Variants in IGF1 observed in about 807,000 individuals in gnomAD.
IGF1 encodes insulin-like growth factor 1.
In IGF1, 4 loss-of-function variants were observed where a neutral mutation model predicts 13.8. The ratio of observed to expected loss-of-function variants is 0.29; its 90% CI spans 0.14 to 0.66. IGF1 has a LOEUF of 0.66. IGF1 is among the 30% of genes least tolerant of loss of function. The pLI is 0.78. For synonymous variants in IGF1, 76 were observed against 72.6 expected, an observed-to-expected ratio of 1.05 and a Z score of -0.23; for missense variants, 124 against 188.5, an observed-to-expected ratio of 0.66 and a Z score of 2.00.
At chr12:102,447,012 A>G (rs1226521161) in intron 2 of IGF1, among the ~76,000 whole-genome samples, 1 of 152,090 alleles carries the variant, frequency 6.6e-6, no homozygotes, top group African/African-American at 2.4e-5. Flanking sequence ...CAGGTTGTTC[A>G]GTTTCCATGT....
At chr12:102,436,198 C>G (rs1877208036) in intron 2 of IGF1, among the ~76,000 whole-genome samples, 2 of 152,134 alleles carry the variant, frequency 1.3e-5, no homozygotes. Flanking sequence ...TTTCCCTTCC[C>G]TGAGTTTTTT....
chr12:102,459,875 G>T (rs1461312705), intron 2 of IGF1, among the ~76,000 whole-genome samples: 2 of 152,140 alleles, frequency 1.3e-5, no homozygotes, highest in African/African-American at 4.8e-5. Context: ...CAGTTAGTCT[G>T]GTAACTATGT....
At chr12:102,402,655 T>G (rs1358483530) in intron 3 of IGF1, 89 bp from the exon 4 acceptor site, 1 of 768,960 alleles carries the variant, frequency 1.3e-6, no homozygotes, top group Non-Finnish European at 2.4e-6. Flanking sequence ...CTTCCATGTC[T>G]TACGCCTTAC....
At chr12:102,406,862 G>A (rs1222560136) in intron 3 of IGF1, among the ~76,000 whole-genome samples, 1 of 152,016 alleles carries the variant, frequency 6.6e-6, no homozygotes, top group Non-Finnish European at 1.5e-5. Flanking sequence ...GGAGGCCGAG[G>A]TGGGCAGATC....
rs1873616126 is a variant in IGF1, at chr12:102,400,739, G to C, written c.*1768C>G. ...GAATATTATTTATAGTATTAAACGA[G>C]GTTTTACTAGATATGTAGTAACTGC... On this transcript the variant is annotated 3_prime_UTR_variant, in exon 4 of 4. Transcript: ENST00000337514. 1 of 152,010 alleles carries C rather than the reference G, an allele frequency of 6.6e-6. No individual in the cohort carries two copies. The highest frequency in any genetic ancestry group is 6.6e-5 in the Admixed American group (1 of 15,258). 9.4% of individuals were successfully genotyped at this position (152,010 alleles called of 1,614,324 possible). A position where few individuals can be genotyped will look rare whatever the true frequency, so the allele number is the denominator to read the frequency against.
chr12:102,444,069 C>T (rs533196929), intron 2 of IGF1, among the ~76,000 whole-genome samples: 77 of 151,884 alleles, frequency 5.1e-4, no homozygotes, highest in Non-Finnish European at 9.6e-4. Context: ...TCAAGTGATC[C>T]GCCTGCCTCA....
At chr12:102,457,787 A>G (rs1398289980) in intron 2 of IGF1, among the ~76,000 whole-genome samples, 2 of 152,192 alleles carry the variant, frequency 1.3e-5, no homozygotes, top group Non-Finnish European at 2.9e-5. Context: ...GTTTATGATG[A>G]TTATTCTGAC....
chr12:102,463,105 A>T (rs1168166969), intron 2 of IGF1: 1 of 152,192 alleles, frequency 6.6e-6, no homozygotes, highest in African/African-American at 2.4e-5. Context: ...ATCCATATGG[A>T]ACATATATTT....
At chr12:102,449,465 G>A (rs894447599) in intron 2 of IGF1, among the ~76,000 whole-genome samples, 22 of 151,898 alleles carry the variant, frequency 1.4e-4, no homozygotes, top group African/African-American at 5.3e-4. Flanking sequence ...GATGGGTGCA[G>A]TAAACCACAA....
At chr12:102,479,627 A>G (rs1482441082) in intron 1 of IGF1, among the ~76,000 whole-genome samples, 1 of 152,214 alleles carries the variant, frequency 6.6e-6, no homozygotes, top group Non-Finnish European at 1.5e-5. Context: ...AAGTTGGGCA[A>G]GCAGCTCTTA....
Position 102,397,685 on chromosome 12 carries a change from C to T in IGF1, c.*4822G>A, listed in dbSNP as rs901224963. The T allele has an allele frequency of 1.3e-5, 2 of 152,152 alleles. No homozygotes were observed. The highest frequency in any genetic ancestry group is 2.4e-5 in the African/African-American group (1 of 41,442). The allele number at this position is 152,152 out of a possible 1,614,324, so 9.4% of individuals were successfully genotyped here. On this transcript the variant is annotated 3_prime_UTR_variant, in exon 4 of 4. Transcript: ENST00000337514. ...CAACAACATTTTCCTTTTGTTGTTG[C>T]CCCCCTACCAGATCTGGACTTTATG...
intron 2 of IGF1, among the ~76,000 whole-genome samples, chr12:102,426,032 G>A (rs148388581): frequency 5.1e-4 from 77 of 152,250 alleles, no homozygotes; most frequent in African/African-American, 1.6e-3. Flanking sequence ...TATTTCAGTG[G>A]GGCCTGCTAT....
chr12:102,419,121 T>A (rs1875434441), intron 3 of IGF1, among the ~76,000 whole-genome samples: 1 of 152,258 alleles, frequency 6.6e-6, no homozygotes, highest in African/African-American at 2.4e-5. Flanking sequence ...CTACTTAATT[T>A]TGACAACAAA....
intron 2 of IGF1, among the ~76,000 whole-genome samples, chr12:102,464,582 A>G (rs1474574748): frequency 6.6e-6 from 1 of 151,676 alleles, no homozygotes; most frequent in Non-Finnish European, 1.5e-5. Flanking sequence ...AGCAGTAGCC[A>G]GTATTTGATT....
chr12:102,474,769 A>G (rs1465507714), intron 2 of IGF1, among the ~76,000 whole-genome samples: 1 of 152,212 alleles, frequency 6.6e-6, no homozygotes, highest in Non-Finnish European at 1.5e-5. Context: ...CTGTCCTATA[A>G]TATACAGTGA....
intron 2 of IGF1, among the ~76,000 whole-genome samples, chr12:102,448,840 A>T (rs1878630552): frequency 6.6e-6 from 1 of 152,206 alleles, no homozygotes; most frequent in Admixed American, 6.5e-5. Flanking sequence ...AATCAAAACC[A>T]CAATGAGATA....
At chr12:102,413,454 G>A (rs1311588099) in intron 3 of IGF1, among the ~76,000 whole-genome samples, 2 of 152,194 alleles carry the variant, frequency 1.3e-5, no homozygotes, top group Admixed American at 6.5e-5. Flanking sequence ...GGCGAGAGAA[G>A]GGGAATTGCT....
At chr12:102,413,968 C>A (rs775516230) in intron 3 of IGF1, among the ~76,000 whole-genome samples, 1 of 152,170 alleles carries the variant, frequency 6.6e-6, no homozygotes, top group African/African-American at 2.4e-5. Context: ...ACTACCACAT[C>A]ATGGAAAAGC....
chr12:102,474,194 T>A (rs1592835567), intron 2 of IGF1, among the ~76,000 whole-genome samples: 1 of 152,326 alleles, frequency 6.6e-6, no homozygotes, highest in Middle Eastern at 3.4e-3. Flanking sequence ...CACAGGATAT[T>A]TTAAAGGTAA....
Sources: allele counts gnomAD v4.1 joint callset (sites outside exome capture counted in the v4.1 genomes callset), GRCh38; gene constraint gnomAD v4.1.1; transcripts MANE v1.5; gene names NCBI Gene and HGNC (gene_info 2026-07-23, HGNC 2026-07-21).